CRTC1: variants seen among roughly 807,000 people sequenced by gnomAD.
The protein encoded by CRTC1 is CREB regulated transcription coactivator 1, also known as CREB-regulated transcription coactivator 1.
CRTC1 carries 18 observed loss-of-function variants against 66.1 expected under a neutral mutation model. The ratio of observed to expected loss-of-function variants is 0.27; its 90% confidence interval spans 0.19 to 0.40. The LOEUF (loss-of-function observed/expected upper bound fraction) is 0.40. Ranked by LOEUF, CRTC1 falls within the 10% of genes least tolerant of loss-of-function variation. The pLI is 1.00. For synonymous variants in CRTC1, 416 were observed against 398.8 expected (o/e 1.04, Z -0.51); for missense variants, 669 against 887.9 (o/e 0.75, Z 3.13).
At chr19:18,736,763 C>G (rs1339732345) in intron 1 of CRTC1, among the ~76,000 whole-genome samples, 1 of 152,172 alleles carries the variant, frequency 6.6e-6, no homozygotes, top group African/African-American at 2.4e-5. Context: ...TCCCTGGCCC[C>G]CCCACAGGGA....
intron 1 of CRTC1, among the ~76,000 whole-genome samples, chr19:18,704,922 C>G (rs1195724543): frequency 1.1e-4 from 15 of 140,280 alleles, no homozygotes; most frequent in Non-Finnish European, 2.2e-4. Context: ...AATCCCCAAC[C>G]CCCACCCTCC....
intron 11 of CRTC1, among the ~76,000 whole-genome samples, chr19:18,772,364 C>A (rs976702395): frequency 6.6e-6 from 1 of 152,192 alleles, no homozygotes; most frequent in East Asian, 1.9e-4. Flanking sequence ...CAACATCCAG[C>A]CGCCAACTTT....
At chr19:18,704,949 C>T (rs1033184585) in intron 1 of CRTC1, among the ~76,000 whole-genome samples, 1 of 146,612 alleles carries the variant, frequency 6.8e-6, no homozygotes, top group Non-Finnish European at 1.5e-5. Context: ...CCTCCATTCC[C>T]TCCCAGCCCC....
intron 8 of CRTC1, among the ~76,000 whole-genome samples, chr19:18,761,212 G>A (rs918208598): frequency 6.6e-6 from 1 of 152,198 alleles, no homozygotes; most frequent in Non-Finnish European, 1.5e-5. Flanking sequence ...CTACTGCCGC[G>A]TTGCTTTCCT....
intron 8 of CRTC1, among the ~76,000 whole-genome samples, chr19:18,763,938 T>G (rs533333576): frequency 6.6e-6 from 1 of 152,212 alleles, no homozygotes; most frequent in South Asian, 2.1e-4. Flanking sequence ...TGAGCAGGCT[T>G]CCCCCACATC....
At chr19:18,721,394 A>T (rs952685315) in intron 1 of CRTC1, among the ~76,000 whole-genome samples, 3 of 150,500 alleles carry the variant, frequency 2.0e-5, no homozygotes, top group Admixed American at 6.6e-5. Context: ...GGGGTTTCAC[A>T]GTGTTAGCCA....
chr19:18,683,848 C>A lies in CRTC1; in HGVS notation c.126+20C>A. 4.1e-6 allele frequency: 5 copies of A among 1,215,146 alleles called. No individual in the cohort carries two copies. Among genetic ancestry groups the A allele is most frequent in the Non-Finnish European group, 4.2e-6 (4 of 945,344 alleles). 75.3% of individuals were successfully genotyped at this position (1,215,146 alleles called of 1,614,324 possible). A position where few individuals can be genotyped will look rare whatever the true frequency, so the allele number is the denominator to read the frequency against. Reference sequence around the variant, plus strand: ...GCGCGGGTAAGGGGGCTGCCCGCGCCGACCCTTCAGGGCCGGCGGAGGGAG... The same window carrying A: ...GCGCGGGTAAGGGGGCTGCCCGCGCAGACCCTTCAGGGCCGGCGGAGGGAG... On this transcript the variant is annotated intron_variant, in intron 1 of 13. Transcript: ENST00000321949.
chr19:18,761,916 G>A (rs966695783), intron 8 of CRTC1, among the ~76,000 whole-genome samples: 1 of 152,068 alleles, frequency 6.6e-6, no homozygotes, highest in African/African-American at 2.4e-5. Flanking sequence ...TGGGCCCTGG[G>A]CCCTGGGCCC....
At chr19:18,756,882 C>T (rs759481767) in intron 6 of CRTC1, among the ~76,000 whole-genome samples, 1 of 152,156 alleles carries the variant, frequency 6.6e-6, no homozygotes, top group Non-Finnish European at 1.5e-5. Flanking sequence ...AGAACGTGAT[C>T]GCCGGTGTGC....
intron 2 of CRTC1, 59 bp from the exon 3 acceptor site, chr19:18,745,764 A>G (rs575308150): frequency 7.2e-4 from 1,157 of 1,607,076 alleles, no homozygotes; most frequent in Admixed American, 2.3e-3. Context: ...CGCTGGGGCC[A>G]CAGCTGGTAA....
chr19:18,731,037 T>C (rs1272838099), intron 1 of CRTC1, among the ~76,000 whole-genome samples: 1 of 151,782 alleles, frequency 6.6e-6, no homozygotes. Context: ...GTGCAGTGAG[T>C]GGTACAATCT....
intron 1 of CRTC1, among the ~76,000 whole-genome samples, chr19:18,699,717 C>T (rs1049390563): frequency 2.6e-5 from 4 of 152,156 alleles, no homozygotes; most frequent in Admixed American, 2.0e-4. Flanking sequence ...AGCCTGGCCT[C>T]GCCTGGCTCT....
chr19:18,748,294 G>GCTGGA (rs1459165151), intron 4 of CRTC1, among the ~76,000 whole-genome samples: 5 of 151,166 alleles, frequency 3.3e-5, no homozygotes, highest in Admixed American at 3.3e-4. Context: ...TGTTACTGAG[G>GCTGGA]CTGGAGTGCA....
intron 11 of CRTC1, among the ~76,000 whole-genome samples, chr19:18,772,835 G>C (rs995226137): frequency 6.6e-6 from 1 of 152,160 alleles, no homozygotes; most frequent in Non-Finnish European, 1.5e-5. Flanking sequence ...CTCTGGCAGC[G>C]TGTCTGGTCT....
At chr19:18,719,326 C>G (rs1452471231) in intron 1 of CRTC1, among the ~76,000 whole-genome samples, 1 of 152,208 alleles carries the variant, frequency 6.6e-6, no homozygotes, top group Non-Finnish European at 1.5e-5. Context: ...GGGCTAACCC[C>G]ACCGGGTCCC....
chr19:18,700,292 C>T (rs1054833456), intron 1 of CRTC1, among the ~76,000 whole-genome samples: 1 of 152,072 alleles, frequency 6.6e-6, no homozygotes, highest in Non-Finnish European at 1.5e-5. Context: ...TCTCCCACTG[C>T]GGGTGCTAAT....
At chr19:18,735,576 G>A (rs1232746743) in intron 1 of CRTC1, 1 of 152,460 alleles carries the variant, frequency 6.6e-6, no homozygotes, top group Non-Finnish European at 1.5e-5. Flanking sequence ...TGGGCAGCAT[G>A]GGCAGGTGCG....
At chr19:18,752,255 C>T (rs1359591728) in intron 5 of CRTC1, among the ~76,000 whole-genome samples, 1 of 152,150 alleles carries the variant, frequency 6.6e-6, no homozygotes, top group Non-Finnish European at 1.5e-5. Flanking sequence ...CTGAGGCCCA[C>T]GTTGGTTCAG....
chr19:18,690,049 G>A (rs10402536), intron 1 of CRTC1, among the ~76,000 whole-genome samples: 53,940 of 146,176 alleles, frequency 0.37, 10,508 homozygotes, highest in East Asian at 0.51. Context: ...TTCTGCAGCA[G>A]AGCCACCCAG....
Sources: allele counts gnomAD v4.1 joint callset (sites outside exome capture counted in the v4.1 genomes callset), GRCh38; gene constraint gnomAD v4.1.1; transcripts MANE v1.5; gene names NCBI Gene and HGNC (gene_info 2026-07-23, HGNC 2026-07-21).